Variants in ANTXR1 observed in about 807,000 individuals in gnomAD.
ANTXR1 encodes ANTXR cell adhesion molecule 1, also known as anthrax toxin receptor 1.
A neutral mutation model predicts 78.1 loss-of-function variants in ANTXR1; 19 were observed. That is an observed-to-expected ratio of 0.24 (90% confidence interval 0.17 to 0.36). The LOEUF (loss-of-function observed/expected upper bound fraction) is 0.36. ANTXR1 is among the 10% of genes least tolerant of loss of function. ANTXR1 has a pLI of 1.00. For synonymous variants in ANTXR1, 273 were observed against 260.5 expected, an observed-to-expected ratio of 1.05 and a Z score of -0.46; for missense variants, 518 against 718.6, an observed-to-expected ratio of 0.72 and a Z score of 3.19.
At chr2:69,190,047 G>C (rs972373525) in intron 16 of ANTXR1, among the ~76,000 whole-genome samples, 2 of 152,190 alleles carry the variant, frequency 1.3e-5, no homozygotes, top group Non-Finnish European at 2.9e-5. Context: ...TCAGCTGAGA[G>C]ATGAGAATAG....
At chr2:69,143,275 G>T (rs2104417910) in intron 12 of ANTXR1, among the ~76,000 whole-genome samples, 1 of 152,280 alleles carries the variant, frequency 6.6e-6, no homozygotes, top group South Asian at 2.1e-4. Context: ...GGGCAGATTT[G>T]AGAAGTATTT....
At chr2:69,206,084 G>A (rs760151013) in intron 17 of ANTXR1, among the ~76,000 whole-genome samples, 2 of 152,144 alleles carry the variant, frequency 1.3e-5, no homozygotes, top group African/African-American at 2.4e-5. Flanking sequence ...TGATGACAGA[G>A]CTAGTTGTGA....
intron 10 of ANTXR1, among the ~76,000 whole-genome samples, chr2:69,105,349 T>C (rs535774032): frequency 6.6e-6 from 1 of 152,312 alleles, no homozygotes; most frequent in African/African-American, 2.4e-5. Context: ...AGCACAATAC[T>C]AAGTTTGGAG....
chr2:69,221,298 C>T (rs1675313030), intron 17 of ANTXR1, among the ~76,000 whole-genome samples: 1 of 152,094 alleles, frequency 6.6e-6, no homozygotes, highest in African/African-American at 2.4e-5. Context: ...ACCTAAAATA[C>T]AGTAAAATCT....
intron 8 of ANTXR1, among the ~76,000 whole-genome samples, chr2:69,085,109 T>A (rs897607120): frequency 6.6e-6 from 1 of 152,142 alleles, no homozygotes; most frequent in Non-Finnish European, 1.5e-5. Flanking sequence ...GGGACAACAT[T>A]GACAGTCCTG....
At chr2:69,231,689 G>C (rs1308420102) in intron 17 of ANTXR1, among the ~76,000 whole-genome samples, 1 of 152,156 alleles carries the variant, frequency 6.6e-6, no homozygotes, top group African/African-American at 2.4e-5. Context: ...CTGGAAGGTT[G>C]ATTGGACATC....
intron 13 of ANTXR1, among the ~76,000 whole-genome samples, chr2:69,169,495 C>A (rs189443893): frequency 2.7e-4 from 41 of 152,362 alleles, no homozygotes; most frequent in African/African-American, 9.9e-4. Context: ...GGACTGCTCA[C>A]TGGCCCCAGC....
rs567717532 is a variant in ANTXR1 at position 69,151,506 on chromosome 2, T to C, written c.952-663T>C. Among the ~76,000 whole-genome samples, 5 of 152,262 alleles carry C rather than the reference T, an allele frequency of 3.3e-5. No individual in the cohort carries two copies. In the South Asian group the frequency reaches 1.0e-3, roughly 32 times the overall value. Reference sequence around the variant, plus strand: ...GACATCGCAGTCCACAGAAACTGTGTCTAGGACTGGCCTCGCCACATTTTT... The same window carrying C: ...GACATCGCAGTCCACAGAAACTGTGCCTAGGACTGGCCTCGCCACATTTTT... On this transcript the variant is annotated intron_variant, in intron 12 of 17. Transcript: ENST00000303714.
chr2:69,229,870 T>C (rs1432776921), intron 17 of ANTXR1, among the ~76,000 whole-genome samples: 4 of 152,064 alleles, frequency 2.6e-5, no homozygotes, highest in African/African-American at 4.8e-5. Flanking sequence ...GGAGTGTACA[T>C]TGGACTTGAT....
At chr2:69,088,691 G>A (rs190244955) in intron 8 of ANTXR1, among the ~76,000 whole-genome samples, 2 of 152,194 alleles carry the variant, frequency 1.3e-5, no homozygotes, top group South Asian at 4.1e-4. Flanking sequence ...GAATCACTGT[G>A]CACCAGGATG....
At chr2:69,109,552 A>C (rs1425060402) in intron 10 of ANTXR1, among the ~76,000 whole-genome samples, 1 of 152,236 alleles carries the variant, frequency 6.6e-6, no homozygotes, top group African/African-American at 2.4e-5. Context: ...CCAAACACTT[A>C]GGTGAATTTA....
chr2:69,136,356 T>A (rs1672909492), intron 12 of ANTXR1, among the ~76,000 whole-genome samples: 2 of 152,194 alleles, frequency 1.3e-5, no homozygotes, highest in Non-Finnish European at 2.9e-5. Flanking sequence ...AAGTACACTT[T>A]CACACTTTAA....
At chr2:69,187,782 G>T (rs1435181249) in intron 16 of ANTXR1, among the ~76,000 whole-genome samples, 2 of 150,582 alleles carry the variant, frequency 1.3e-5, no homozygotes, top group Non-Finnish European at 3.0e-5. Flanking sequence ...GTACAGACTG[G>T]GTTTCATCAT....
At chr2:69,166,676 A>G (rs1673835044) in intron 13 of ANTXR1, among the ~76,000 whole-genome samples, 1 of 152,138 alleles carries the variant, frequency 6.6e-6, no homozygotes, top group African/African-American at 2.4e-5. Flanking sequence ...TTTATTAACG[A>G]CCCTTCAACC....
chr2:69,186,960 A>T (rs1262955009), intron 16 of ANTXR1, among the ~76,000 whole-genome samples: 1 of 152,186 alleles, frequency 6.6e-6, no homozygotes, highest in Non-Finnish European at 1.5e-5. Context: ...CCTCTGCTAT[A>T]AGCAAGGAGA....
intron 8 of ANTXR1, among the ~76,000 whole-genome samples, chr2:69,078,878 T>C (rs543655848): frequency 2.0e-5 from 3 of 152,304 alleles, no homozygotes; most frequent in Non-Finnish European, 2.9e-5. Flanking sequence ...GAGAATTATG[T>C]TTGTAATACC....
At chr2:69,111,620 G>A (rs1671978364) in intron 10 of ANTXR1, among the ~76,000 whole-genome samples, 1 of 152,168 alleles carries the variant, frequency 6.6e-6, no homozygotes. Flanking sequence ...CACCAGGCAT[G>A]GCTCTGGTTT....
intron 3 of ANTXR1, among the ~76,000 whole-genome samples, chr2:69,050,960 T>C (rs1263916857): frequency 2.0e-5 from 3 of 152,124 alleles, no homozygotes; most frequent in African/African-American, 7.2e-5. Context: ...TCCTTCTGCT[T>C]CTTATATTGC....
At chr2:69,201,261 A>C (rs1161101968) in intron 17 of ANTXR1, among the ~76,000 whole-genome samples, 2 of 152,178 alleles carry the variant, frequency 1.3e-5, no homozygotes, top group African/African-American at 2.4e-5. Context: ...AAGCTAAGAC[A>C]AGAAGGGGGA....
Sources: allele counts gnomAD v4.1 joint callset (sites outside exome capture counted in the v4.1 genomes callset), GRCh38; gene constraint gnomAD v4.1.1; transcripts MANE v1.5; gene names NCBI Gene and HGNC (gene_info 2026-07-23, HGNC 2026-07-21).